Variants in TAF4 observed in about 807,000 individuals in gnomAD.
TAF4 encodes TATA-box binding protein associated factor 4.
Under a neutral mutation model 90.3 loss-of-function variants are expected in TAF4, and 9 were observed. That is an observed-to-expected ratio of 0.10 (90% CI 0.06 to 0.17). The LOEUF (loss-of-function observed/expected upper bound fraction) is 0.17, where lower values mean the gene tolerates loss of function less well. TAF4 is among the 10% of genes least tolerant of loss of function. The pLI, the probability that TAF4 is intolerant of heterozygous loss-of-function variation, is 1.00. For missense variants in TAF4, 1,351 were observed against 1,370.7 expected, an observed-to-expected ratio of 0.99 and a Z score of 0.23; for synonymous variants, 818 against 638.9, an observed-to-expected ratio of 1.28 and a Z score of -4.23.
At chr20:61,978,109 G>C (rs865979543) in intron 14 of TAF4, among the ~76,000 whole-genome samples, 1,615 of 60,198 alleles carry the variant, frequency 0.027, 2 homozygotes, top group African/African-American at 0.064. Context: ...GAGGGCGCGA[G>C]ACCAACCAAG....
chr20:62,030,883 C>A (rs2055901050), intron 1 of TAF4, among the ~76,000 whole-genome samples: 1 of 152,176 alleles, frequency 6.6e-6, no homozygotes. Flanking sequence ...CCGTACCCCA[C>A]CACCTCCACA....
At chr20:61,984,680 C>CT in intron 14 of TAF4, among the ~76,000 whole-genome samples, 11 of 58,542 alleles carry the variant, frequency 1.9e-4, no homozygotes, top group South Asian at 5.2e-4. Context: ...GACATCAGCA[C>CT]CCAGCTGGGA....
intron 1 of TAF4, among the ~76,000 whole-genome samples, chr20:62,042,166 C>A (rs772947047): frequency 1.6e-4 from 25 of 152,178 alleles, no homozygotes; most frequent in Non-Finnish European, 2.6e-4. Flanking sequence ...CCAAGCTCCA[C>A]TGACGAGAGC....
chr20:62,054,994 C>T (rs1486860579), intron 1 of TAF4, among the ~76,000 whole-genome samples: 2 of 152,180 alleles, frequency 1.3e-5, no homozygotes, highest in East Asian at 3.9e-4. Flanking sequence ...GCCCCACCAT[C>T]TGCCCCAGGC....
At chr20:62,064,016 A>C (rs925389146) in intron 1 of TAF4, among the ~76,000 whole-genome samples, 1 of 152,204 alleles carries the variant, frequency 6.6e-6, no homozygotes, top group African/African-American at 2.4e-5. Context: ...TGCAGAACTG[A>C]GCAGGGGACA....
chr20:61,996,337 C>T (rs772663175), intron 14 of TAF4, among the ~76,000 whole-genome samples: 1 of 151,604 alleles, frequency 6.6e-6, no homozygotes, highest in Non-Finnish European at 1.5e-5. Flanking sequence ...GAGCCATGAT[C>T]GTACCACTGC....
Position 62,010,270 on chromosome 20 carries a change from G to T in TAF4, c.1642-105C>A, listed in dbSNP as rs28382065. ...AAAGAAAACAAGCCTCCCTGCGGTG[G>T]CCAGGACGCCCAGGAAGCCAAGGAC... On this transcript the variant is annotated intron_variant, in intron 3 of 14. Coordinates refer to ENST00000252996, the MANE Select transcript of TAF4 (RefSeq NM_003185.4). The surrounding 1 kb of genome is among the most constrained non-coding windows in gnomAD (Gnocchi z 4.5). 4 of 1,539,108 alleles carry T rather than the reference G, an allele frequency of 2.6e-6. No individual in the cohort carries two copies. The highest frequency in any genetic ancestry group is 3.5e-6 in the Non-Finnish European group (4 of 1,137,974).
At chr20:61,990,745 G>C (rs1243638114) in intron 14 of TAF4, among the ~76,000 whole-genome samples, 1 of 152,214 alleles carries the variant, frequency 6.6e-6, no homozygotes, top group African/African-American at 2.4e-5. Flanking sequence ...GAGCAGGACA[G>C]GGACAAGGAA....
intron 1 of TAF4, among the ~76,000 whole-genome samples, chr20:62,064,099 G>A (rs764912920): frequency 1.3e-5 from 2 of 152,226 alleles, no homozygotes; most frequent in East Asian, 1.9e-4. Context: ...GGGAGCCCCT[G>A]CGCTGAGCCT....
intron 1 of TAF4, among the ~76,000 whole-genome samples, chr20:62,044,636 G>A (rs1437535617): frequency 6.6e-6 from 1 of 152,216 alleles, no homozygotes. Flanking sequence ...CTGTGTTTAA[G>A]TATAGGGTAG....
chr20:62,060,541 CGGGGCAG>C (rs1467237385), intron 1 of TAF4, among the ~76,000 whole-genome samples: 2 of 152,224 alleles, frequency 1.3e-5, no homozygotes, highest in Non-Finnish European at 2.9e-5. Flanking sequence ...ACCCCAGCCG[CGGGGCAG>C]GGGGCAGGGA....
At chr20:61,977,864 C>A (rs948588502) in intron 14 of TAF4, among the ~76,000 whole-genome samples, 1 of 152,186 alleles carries the variant, frequency 6.6e-6, no homozygotes, top group African/African-American at 2.4e-5. Context: ...CCCAGTGACA[C>A]CTGCTATAAA....
chr20:62,053,915 G>A (rs2056045654), intron 1 of TAF4, among the ~76,000 whole-genome samples: 1 of 152,244 alleles, frequency 6.6e-6, no homozygotes, highest in African/African-American at 2.4e-5. Context: ...GCAGCCGCAG[G>A]ACTGCAGGGA....
chr20:62,044,146 T>A (rs1229133461), intron 1 of TAF4, among the ~76,000 whole-genome samples: 1 of 152,256 alleles, frequency 6.6e-6, no homozygotes, highest in Non-Finnish European at 1.5e-5. Flanking sequence ...CTTCCAAAAT[T>A]ATTTTTTTTA....
At chr20:62,046,935 G>C (rs537719798) in intron 1 of TAF4, among the ~76,000 whole-genome samples, 16 of 152,180 alleles carry the variant, frequency 1.1e-4, no homozygotes, top group South Asian at 2.1e-4. Context: ...ATTTAGTCGT[G>C]AGAGTTCTTT....
intron 14 of TAF4, among the ~76,000 whole-genome samples, chr20:61,992,512 T>C (rs1257396262): frequency 6.6e-6 from 1 of 151,594 alleles, no homozygotes; most frequent in Non-Finnish European, 1.5e-5. Context: ...ATTCTTACTG[T>C]GAAGATAAAG....
At chr20:62,044,222 C>T (rs962932768) in intron 1 of TAF4, among the ~76,000 whole-genome samples, 1 of 152,134 alleles carries the variant, frequency 6.6e-6, no homozygotes, top group African/African-American at 2.4e-5. Flanking sequence ...GTGTACTACA[C>T]ATAAAACTTC....
At chr20:62,019,559 C>A (rs2055830878) in intron 1 of TAF4, among the ~76,000 whole-genome samples, 1 of 152,242 alleles carries the variant, frequency 6.6e-6, no homozygotes, top group Non-Finnish European at 1.5e-5. Context: ...GCGGGCAATG[C>A]AGAGCCAGCA....
intron 6 of TAF4, chr20:62,007,067 A>G (rs2055750784): frequency 3.2e-6 from 1 of 316,532 alleles, no homozygotes; most frequent in African/African-American, 2.1e-5. Context: ...TGTTCCCAAC[A>G]CATGGAAATA....
Sources: gnomAD v4.1 joint callset for allele counts (sites outside exome capture counted in the v4.1 genomes callset) on GRCh38, gnomAD v4.1.1 for gene constraint, Gnocchi (gnomAD v3.1) non-coding constraint, MANE v1.5 for transcripts, NCBI Gene and HGNC (gene_info 2026-07-23, HGNC 2026-07-21) for gene names.